The following PLD5 variants were observed in gnomAD, a reference collection of about 807,000 sequenced individuals.
The protein encoded by PLD5 is phospholipase D family member 5, also known as inactive phospholipase D5.
In PLD5, 36 loss-of-function variants were observed where a neutral mutation model predicts 61.1. The ratio of observed to expected loss-of-function variants is 0.59; its 90% CI spans 0.45 to 0.78. PLD5 has a LOEUF of 0.78. Ranked by LOEUF, PLD5 falls within the 30% of genes least tolerant of loss-of-function variation. The pLI, the probability that PLD5 is intolerant of heterozygous loss-of-function variation, is 0.00. For missense variants in PLD5, 515 were observed against 644.4 expected (o/e 0.80, Z 2.17); for synonymous variants, 243 against 242.8 (o/e 1.00, Z -0.01).
chr1:242,393,743 T>C (rs1663138476), intron 1 of PLD5, among the ~76,000 whole-genome samples: 1 of 148,096 alleles, frequency 6.8e-6, no homozygotes, highest in Admixed American at 7.1e-5. Flanking sequence ...TATATGAGTA[T>C]ATATGTGTGT....
intron 5 of PLD5, among the ~76,000 whole-genome samples, chr1:242,172,995 AG>A (rs1666858972): frequency 6.6e-6 from 1 of 152,116 alleles, no homozygotes; most frequent in Admixed American, 6.5e-5. Context: ...ATTCCAAACA[AG>A]ACAGGGATGC....
chr1:242,498,929 A>G (rs1268969295), intron 1 of PLD5, among the ~76,000 whole-genome samples: 2 of 152,228 alleles, frequency 1.3e-5, no homozygotes, highest in African/African-American at 4.8e-5. Context: ...CTTTCTTAAA[A>G]CAAATTCATT....
intron 1 of PLD5, 126 bp from the exon 2 acceptor site, chr1:242,348,368 G>A (rs1482660519): frequency 1.2e-5 from 13 of 1,053,662 alleles, no homozygotes; most frequent in African/African-American, 4.8e-5. Context: ...TGCCTAGAAG[G>A]GAAATCTATT....
At chr1:242,317,495 G>A (rs1658094218) in intron 2 of PLD5, among the ~76,000 whole-genome samples, 1 of 102,714 alleles carries the variant, frequency 9.7e-6, no homozygotes, top group African/African-American at 4.2e-5. Flanking sequence ...AAAAATATAA[G>A]TCTCTTCCCT....
chr1:242,358,575 A>G (rs1426556397), intron 1 of PLD5, among the ~76,000 whole-genome samples: 1 of 151,114 alleles, frequency 6.6e-6, no homozygotes, highest in Non-Finnish European at 1.5e-5. Flanking sequence ...AAGCCCTGCT[A>G]TGAGGCTGAG....
At chr1:242,317,193 T>G (rs2149181432) in intron 2 of PLD5, among the ~76,000 whole-genome samples, 1 of 152,158 alleles carries the variant, frequency 6.6e-6, no homozygotes, top group Non-Finnish European at 1.5e-5. Flanking sequence ...TTTTGTATCT[T>G]TAGTAGAGAC....
intron 8 of PLD5, among the ~76,000 whole-genome samples, chr1:242,103,292 C>T (rs1387147428): frequency 6.6e-6 from 1 of 152,238 alleles, no homozygotes; most frequent in Non-Finnish European, 1.5e-5. Flanking sequence ...CTAACCACAC[C>T]TTGGACTCAG....
chr1:242,092,391 A>G (rs1040578992), intron 9 of PLD5, among the ~76,000 whole-genome samples: 1 of 152,122 alleles, frequency 6.6e-6, no homozygotes, highest in Non-Finnish European at 1.5e-5. Context: ...AAATTTGCCT[A>G]ATCACATGGT....
intron 5 of PLD5, among the ~76,000 whole-genome samples, chr1:242,143,260 C>A (rs1041630734): frequency 6.6e-6 from 1 of 151,862 alleles, no homozygotes; most frequent in African/African-American, 2.4e-5. Flanking sequence ...ACCATACTGG[C>A]CAGGCTGGTC....
chr1:242,279,151 T>C (rs1178486851), intron 3 of PLD5, among the ~76,000 whole-genome samples: 1 of 152,262 alleles, frequency 6.6e-6, no homozygotes, highest in East Asian at 1.9e-4. Flanking sequence ...TACAAGCTGC[T>C]ACTCATTTAC....
chr1:242,120,577 A>G (rs1267077398), intron 6 of PLD5, among the ~76,000 whole-genome samples: 2 of 152,244 alleles, frequency 1.3e-5, no homozygotes, highest in Non-Finnish European at 2.9e-5. Context: ...ATTTTTCCAT[A>G]GCAGCATCAA....
intron 4 of PLD5, among the ~76,000 whole-genome samples, chr1:242,258,514 T>G (rs1032379926): frequency 3.3e-5 from 5 of 152,240 alleles, no homozygotes; most frequent in African/African-American, 1.2e-4. Flanking sequence ...AGTCTTCACA[T>G]TTTAACATCT....
intron 5 of PLD5, among the ~76,000 whole-genome samples, chr1:242,198,817 C>A (rs550345490): frequency 1.4e-4 from 22 of 152,162 alleles, no homozygotes; most frequent in African/African-American, 5.3e-4. Flanking sequence ...TCACCGCAAC[C>A]TCCACCTCCC....
intron 4 of PLD5, among the ~76,000 whole-genome samples, chr1:242,261,677 T>C (rs1673380689): frequency 6.6e-6 from 1 of 152,004 alleles, no homozygotes; most frequent in African/African-American, 2.4e-5. Flanking sequence ...CTGGGCAAAA[T>C]ACTTGCAGAG....
intron 5 of PLD5, among the ~76,000 whole-genome samples, chr1:242,170,304 G>A (rs1428746898): frequency 6.6e-6 from 1 of 152,164 alleles, no homozygotes; most frequent in African/African-American, 2.4e-5. Flanking sequence ...GGTCTGGAGT[G>A]GACCGCTAAC....
intron 9 of PLD5, among the ~76,000 whole-genome samples, chr1:242,090,864 G>A (rs757233959): frequency 6.6e-5 from 10 of 152,134 alleles, no homozygotes; most frequent in African/African-American, 1.7e-4. Context: ...ACCTTTATCC[G>A]TGGCTTGTAG....
At chr1:242,332,143 T>C (rs1659222988) in intron 2 of PLD5, among the ~76,000 whole-genome samples, 2 of 152,158 alleles carry the variant, frequency 1.3e-5, no homozygotes, top group African/African-American at 4.8e-5. Context: ...GGTGTTTGGT[T>C]TTCTGTTCAT....
chr1:242,162,796 C>G (rs1029692541), intron 5 of PLD5, among the ~76,000 whole-genome samples: 1 of 152,102 alleles, frequency 6.6e-6, no homozygotes, highest in Non-Finnish European at 1.5e-5. Context: ...AATAGACAGA[C>G]AGCTCCAGCC....
At chr1:242,261,183 G>T (rs550821793) in intron 4 of PLD5, among the ~76,000 whole-genome samples, 1 of 152,324 alleles carries the variant, frequency 6.6e-6, no homozygotes, top group East Asian at 1.9e-4. Flanking sequence ...TAAACAAGTA[G>T]ACTGAGAAAA....
Sources: gnomAD v4.1 joint callset for allele counts (sites outside exome capture counted in the v4.1 genomes callset) on GRCh38, gnomAD v4.1.1 for gene constraint, MANE v1.5 for transcripts, NCBI Gene and HGNC (gene_info 2026-07-23, HGNC 2026-07-21) for gene names.